KDM4C: variants seen among roughly 807,000 people sequenced by gnomAD.
KDM4C encodes the protein lysine-specific demethylase 4C.
In KDM4C, 81 loss-of-function variants were observed where a neutral mutation model predicts 129.3. The ratio of observed to expected loss-of-function variants is 0.63; its 90% CI spans 0.52 to 0.75. KDM4C has a LOEUF of 0.75. KDM4C is among the 30% of genes least tolerant of loss of function. The pLI, the probability that KDM4C is intolerant of heterozygous loss-of-function variation, is 0.00. For missense variants in KDM4C, 1,457 were observed against 1,304.0 expected (o/e 1.12, Z -1.81); for synonymous variants, 573 against 456.1 (o/e 1.26, Z -3.26).
At chr9:6,836,037 G>T (rs1015456436) in intron 4 of KDM4C, among the ~76,000 whole-genome samples, 12 of 151,924 alleles carry the variant, frequency 7.9e-5, no homozygotes, top group African/African-American at 2.9e-4. Flanking sequence ...AGCCTTCGTG[G>T]CCCCCCTCTT....
At chr9:6,873,398 G>C (rs1366536800) in intron 5 of KDM4C, among the ~76,000 whole-genome samples, 1 of 152,162 alleles carries the variant, frequency 6.6e-6, no homozygotes, top group African/African-American at 2.4e-5. Flanking sequence ...CCTCCACATT[G>C]AAAATCTGTT....
intron 18 of KDM4C, among the ~76,000 whole-genome samples, chr9:7,122,263 A>ACTCTCTCTCTCT (rs1410461925): frequency 4.3e-4 from 63 of 144,926 alleles, no homozygotes; most frequent in Admixed American, 6.9e-4. Context: ...ACACACACAC[A>ACTCTCTCTCTCT]CACTCTCTCT....
intron 8 of KDM4C, among the ~76,000 whole-genome samples, chr9:6,911,294 G>T (rs187312535): frequency 1.1e-4 from 17 of 152,302 alleles, no homozygotes; most frequent in African/African-American, 3.8e-4. Flanking sequence ...CAGCGATGAG[G>T]AATCTGAAAG....
chr9:6,835,078 C>A, intron 4 of KDM4C: 1 of 988,432 alleles, frequency 1.0e-6, no homozygotes, highest in Non-Finnish European at 1.6e-6. Flanking sequence ...GGATATCGTG[C>A]GTGACATCAA....
chr9:6,739,073 C>A (rs563269905), intron 1 of KDM4C, among the ~76,000 whole-genome samples: 1 of 151,278 alleles, frequency 6.6e-6, no homozygotes, highest in African/African-American at 2.4e-5. Context: ...TGTAGATATT[C>A]CTAATTATTA....
chr9:6,762,494 A>C (rs1458028399), intron 1 of KDM4C, among the ~76,000 whole-genome samples: 2 of 151,776 alleles, frequency 1.3e-5, no homozygotes, highest in African/African-American at 4.8e-5. Context: ...TTCTGTTATG[A>C]ATTTCTTAGG....
chr9:6,930,254 G>T (rs1823419625), intron 8 of KDM4C, among the ~76,000 whole-genome samples: 1 of 152,088 alleles, frequency 6.6e-6, no homozygotes, highest in South Asian at 2.1e-4. Context: ...TATGTATGTT[G>T]AATTTTCACA....
intron 10 of KDM4C, 151 bp from the exon 11 acceptor site, chr9:6,986,193 A>G: frequency 1.7e-6 from 1 of 598,512 alleles, no homozygotes; most frequent in Non-Finnish European, 3.0e-6. Flanking sequence ...ATGGGTACAA[A>G]TGAGGTTTGT....
chr9:7,014,117 G>T, intron 14 of KDM4C, 116 bp downstream of exon 14: 1 of 745,080 alleles, frequency 1.3e-6, no homozygotes, highest in East Asian at 2.6e-5. Flanking sequence ...ATTCTTAATG[G>T]TTATATCATT....
chr9:6,764,431 T>C (rs1487148541), intron 1 of KDM4C, among the ~76,000 whole-genome samples: 2 of 152,212 alleles, frequency 1.3e-5, no homozygotes, highest in African/African-American at 4.8e-5. Context: ...TTGTACTGTT[T>C]GTTTTATTTT....
At chr9:7,110,242 C>G (rs564563374) in intron 18 of KDM4C, among the ~76,000 whole-genome samples, 25 of 152,222 alleles carry the variant, frequency 1.6e-4, no homozygotes, top group Middle Eastern at 3.4e-3. Flanking sequence ...TTTATGGGAG[C>G]TCTACTAGAG....
chr9:7,120,339 A>G (rs931857359), intron 18 of KDM4C, among the ~76,000 whole-genome samples: 2 of 152,114 alleles, frequency 1.3e-5, no homozygotes, highest in Non-Finnish European at 2.9e-5. Context: ...ATTTATTTCA[A>G]CATTGGTAGT....
chr9:6,848,601 A>G (rs1301490564), intron 4 of KDM4C, among the ~76,000 whole-genome samples: 1 of 152,094 alleles, frequency 6.6e-6, no homozygotes, highest in Non-Finnish European at 1.5e-5. Flanking sequence ...CCTGGGAGGT[A>G]GAGGTTGCGG....
intron 8 of KDM4C, among the ~76,000 whole-genome samples, chr9:6,927,852 A>G (rs922077776): frequency 2.0e-5 from 3 of 152,116 alleles, no homozygotes; most frequent in Non-Finnish European, 2.9e-5. Context: ...TCTAATCACT[A>G]TTTTGATCTG....
At chr9:6,753,161 G>T (rs1284880041), upstream of KDM4C, among the ~76,000 whole-genome samples, 1 of 152,232 alleles carries the variant, frequency 6.6e-6, no homozygotes, top group East Asian at 1.9e-4. Context: ...GAATGGCCAT[G>T]ATAAGCTCAC....
At chr9:6,815,827 C>T (rs1274790007) in intron 4 of KDM4C, among the ~76,000 whole-genome samples, 1 of 152,160 alleles carries the variant, frequency 6.6e-6, no homozygotes, top group Middle Eastern at 3.2e-3. Context: ...GTAAGGGATA[C>T]TTGATCTATA....
At chr9:6,890,796 G>A (rs1173224316) in intron 7 of KDM4C, among the ~76,000 whole-genome samples, 2 of 152,104 alleles carry the variant, frequency 1.3e-5, no homozygotes, top group Non-Finnish European at 2.9e-5. Flanking sequence ...GTTTCATTAC[G>A]TAGGATAAGA....
chr9:7,115,382 TAAG>T (rs1838785450), intron 18 of KDM4C, among the ~76,000 whole-genome samples: 1 of 152,068 alleles, frequency 6.6e-6, no homozygotes, highest in Admixed American at 6.6e-5. Flanking sequence ...TTAAGAAAAT[TAAG>T]TAGTGACACT....
intron 19 of KDM4C, among the ~76,000 whole-genome samples, chr9:7,151,176 G>A (rs929889280): frequency 2.0e-5 from 3 of 152,036 alleles, no homozygotes; most frequent in African/African-American, 7.2e-5. Context: ...AAAACTAGAT[G>A]GCCTTCAGGA....
Sources: allele counts gnomAD v4.1 joint callset (sites outside exome capture counted in the v4.1 genomes callset), GRCh38; gene constraint gnomAD v4.1.1; transcripts MANE v1.5; gene names NCBI Gene and HGNC (gene_info 2026-07-23, HGNC 2026-07-21).